MAF: variants seen among roughly 807,000 people sequenced by gnomAD.
The protein encoded by MAF is transcription factor Maf.
In MAF, 10 loss-of-function variants were observed where a neutral mutation model predicts 22.0. That is an observed-to-expected ratio of 0.45 (90% confidence interval 0.28 to 0.77). The LOEUF (loss-of-function observed/expected upper bound fraction) is 0.77, where lower values mean the gene tolerates loss of function less well. Among genes scored for constraint, MAF ranks in the 30% least tolerant of loss-of-function variants. The pLI, the probability that MAF is intolerant of heterozygous loss-of-function variation, is 0.12. For missense variants in MAF, 544 were observed against 548.4 expected, an observed-to-expected ratio of 0.99 and a Z score of 0.08; for synonymous variants, 337 against 255.8, an observed-to-expected ratio of 1.32 and a Z score of -3.03.
the MAF span, among the ~76,000 whole-genome samples, chr16:79,532,875 C>T: frequency 4.6e-5 from 7 of 152,308 alleles, no homozygotes; most frequent in South Asian, 6.2e-4. Flanking sequence ...GCGGTCAGTG[C>T]CAGCTTTGCA....
the MAF span, among the ~76,000 whole-genome samples, chr16:79,276,320 T>C: frequency 1.3e-5 from 2 of 152,136 alleles, no homozygotes; most frequent in African/African-American, 4.8e-5. Flanking sequence ...GCAGGCCTTC[T>C]TGGGACTCGG....
At chr16:79,524,767 C>G in the MAF span, among the ~76,000 whole-genome samples, 1 of 152,272 alleles carries the variant, frequency 6.6e-6, no homozygotes, top group Non-Finnish European at 1.5e-5. Context: ...CCCCAAAATT[C>G]TTTATCCCAT....
the MAF span, among the ~76,000 whole-genome samples, chr16:79,494,301 G>T: frequency 6.6e-6 from 1 of 152,174 alleles, no homozygotes; most frequent in African/African-American, 2.4e-5. Flanking sequence ...CATTCACAGG[G>T]TTGGCAGAAT....
the MAF span, among the ~76,000 whole-genome samples, chr16:79,378,351 A>C: frequency 6.6e-6 from 1 of 152,204 alleles, no homozygotes; most frequent in African/African-American, 2.4e-5. Flanking sequence ...TTAAGAGAAA[A>C]AAGGAAGCCC....
the MAF span, among the ~76,000 whole-genome samples, chr16:79,396,686 C>T: frequency 6.6e-6 from 1 of 152,186 alleles, no homozygotes; most frequent in Non-Finnish European, 1.5e-5. Context: ...AGCAGTGGTT[C>T]TCCAACTTGC....
the MAF span, among the ~76,000 whole-genome samples, chr16:79,351,691 G>T: frequency 6.7e-3 from 1,011 of 151,940 alleles, 14 homozygotes; most frequent in African/African-American, 0.023. Context: ...TAGTTTCTGG[G>T]GCTTCAGCAA....
At chr16:79,428,613 G>C in the MAF span, among the ~76,000 whole-genome samples, 1 of 152,084 alleles carries the variant, frequency 6.6e-6, no homozygotes, top group Non-Finnish European at 1.5e-5. Flanking sequence ...GCCGAGGCAG[G>C]TGGATCACTT....
chr16:79,559,336 C>T, the MAF span, among the ~76,000 whole-genome samples: 6 of 152,138 alleles, frequency 3.9e-5, no homozygotes, highest in Non-Finnish European at 7.3e-5. Flanking sequence ...CGAAAAGGCC[C>T]CAGTTATTCA....
the MAF span, among the ~76,000 whole-genome samples, chr16:79,484,658 T>G: frequency 6.6e-6 from 1 of 152,160 alleles, no homozygotes; most frequent in Admixed American, 6.5e-5. Context: ...ATACCCCTCG[T>G]TGGTCCAGCT....
the MAF span, among the ~76,000 whole-genome samples, chr16:79,535,631 C>A: frequency 7.0e-6 from 1 of 142,950 alleles, no homozygotes; most frequent in East Asian, 2.1e-4. Flanking sequence ...CTCTTGTCGC[C>A]CAGGCTGGAG....
chr16:79,595,559 T>C lies in MAF; in HGVS notation c.1119-1006A>G, dbSNP rs902687119. The C allele has an allele frequency of 3.8e-6, 4 of 1,059,698 alleles. No homozygotes were observed. The South Asian group carries it at 1.8e-4, about 48-fold the overall frequency. The allele number at this position is 1,059,698 out of a possible 1,614,324, so 65.6% of individuals were successfully genotyped here. Reference sequence around the variant, plus strand: ...TGCAAACTGCATGAATTTGTAACATTAGTTTCATGAATTTGTGTCATTTAA... The same window carrying C: ...TGCAAACTGCATGAATTTGTAACATCAGTTTCATGAATTTGTGTCATTTAA... On this transcript the variant is annotated intron_variant, in intron 1 of 1. Transcript: ENST00000326043.
chr16:79,466,865 G>C, the MAF span, among the ~76,000 whole-genome samples: 1 of 152,188 alleles, frequency 6.6e-6, no homozygotes, highest in Non-Finnish European at 1.5e-5. Context: ...GATAGCTGCA[G>C]TGTTCCATAT....
At chr16:79,460,446 A>T in the MAF span, among the ~76,000 whole-genome samples, 402 of 152,306 alleles carry the variant, frequency 2.6e-3, 6 homozygotes, top group East Asian at 0.071. Flanking sequence ...CTCATGTATA[A>T]CCCATTCCAC....
chr16:79,433,806 C>T, the MAF span, among the ~76,000 whole-genome samples: 105,478 of 151,922 alleles, frequency 0.69, 36,661 homozygotes, highest in East Asian at 0.8. Context: ...TTGAGGAATT[C>T]TACGTTTGAT....
chr16:79,585,231 C>T (rs992275872), downstream of MAF, among the ~76,000 whole-genome samples: 2 of 152,086 alleles, frequency 1.3e-5, no homozygotes, highest in South Asian at 4.1e-4. Flanking sequence ...ATTTAAATAG[C>T]TCAATTCCAT....
chr16:79,452,024 C>T, the MAF span, among the ~76,000 whole-genome samples: 3 of 152,136 alleles, frequency 2.0e-5, no homozygotes, highest in Non-Finnish European at 2.9e-5. Context: ...CCATCCCTCG[C>T]CTATTTCTGT....
chr16:79,377,638 T>C, the MAF span, among the ~76,000 whole-genome samples: 11 of 152,252 alleles, frequency 7.2e-5, no homozygotes, highest in African/African-American at 2.7e-4. Flanking sequence ...CTAGGTTTTC[T>C]TCTAGCGTTT....
At chr16:79,214,814 G>C in the MAF span, among the ~76,000 whole-genome samples, 115 of 142,214 alleles carry the variant, frequency 8.1e-4, no homozygotes, top group Non-Finnish European at 1.4e-3. Context: ...CGGTTCAAGC[G>C]ATTCTCCTGC....
chr16:79,258,688 G>C, the MAF span, among the ~76,000 whole-genome samples: 1 of 152,188 alleles, frequency 6.6e-6, no homozygotes, highest in Non-Finnish European at 1.5e-5. Flanking sequence ...AGGCTCAGCA[G>C]AGCTGTGGTA....
Sources: allele counts gnomAD v4.1 joint callset (sites outside exome capture counted in the v4.1 genomes callset), GRCh38; gene constraint gnomAD v4.1.1; transcripts MANE v1.5; gene names NCBI Gene and HGNC (gene_info 2026-07-23, HGNC 2026-07-21).